The following ACOT7 variants were observed in gnomAD, a reference collection of about 807,000 sequenced individuals.
ACOT7 encodes cytosolic acyl coenzyme A thioester hydrolase.
Under a neutral mutation model 40.2 loss-of-function variants are expected in ACOT7, and 12 were observed. The ratio of observed to expected loss-of-function variants is 0.30; its 90% CI spans 0.19 to 0.48. The LOEUF is 0.48. ACOT7 is among the 20% of genes least tolerant of loss of function. The pLI is 0.99. For synonymous variants in ACOT7, 228 were observed against 219.5 expected, an observed-to-expected ratio of 1.04 and a Z score of -0.34; for missense variants, 395 against 530.8, an observed-to-expected ratio of 0.74 and a Z score of 2.51.
chr1:6,385,444 G>A lies in ACOT7; in HGVS notation c.143+7813C>T, dbSNP rs536336246. The A allele has an allele frequency of 1.7e-5, 26 of 1,566,422 alleles. 1 individual carries two copies. The highest frequency in any genetic ancestry group is 4.5e-5 in the East Asian group (2 of 44,504). ...GGCCCAAGGCCCTGGCTGCCCAGTC[G>A]GCGTCGCAAGTGAGACACCATGGGC... is the stretch of plus-strand genomic sequence containing the variant. On this transcript the variant is annotated intron_variant, in intron 1 of 8. Coordinates refer to ENST00000361521, the MANE Select transcript of ACOT7 (RefSeq NM_007274.4).
At chr1:6,302,533 A>G (rs1350178828) in intron 6 of ACOT7, among the ~76,000 whole-genome samples, 2 of 152,172 alleles carry the variant, frequency 1.3e-5, no homozygotes, top group East Asian at 3.9e-4. Context: ...CACCCACCCC[A>G]GTCTGTGTTT....
At chr1:6,280,560 G>A (rs1041906046) in intron 8 of ACOT7, among the ~76,000 whole-genome samples, 7 of 152,170 alleles carry the variant, frequency 4.6e-5, no homozygotes, top group African/African-American at 1.7e-4. Context: ...GAGGAGAAAG[G>A]CCAAGGGGCT....
At chr1:6,318,630 C>G (rs1640560129) in intron 5 of ACOT7, 52 bp from the exon 6 acceptor site, 1 of 1,580,496 alleles carries the variant, frequency 6.3e-7, no homozygotes, top group African/African-American at 1.3e-5. Flanking sequence ...ATTCCCACAG[C>G]TGAATGGTCT....
chr1:6,337,618 G>T lies in ACOT7; in HGVS notation c.418+1815C>A, dbSNP rs563962781. 2.6e-5 allele frequency among the ~76,000 whole-genome samples: 4 copies of T among 152,208 alleles called. No individual in the cohort carries two copies. In the South Asian group the frequency reaches 8.3e-4, roughly 32 times the overall value. On this transcript the variant is annotated intron_variant, in intron 3 of 8. Coordinates refer to ENST00000361521, the MANE Select transcript of ACOT7 (RefSeq NM_007274.4). ...CATCACTCTCTGCTGTGGGGACAGC[G>T]GGTCCCAGCCATGCTGAAAGCCTGA...
At position 6,305,789 on chromosome 1, in the gene ACOT7, T is replaced by C. The variant is rs1460081086; in HGVS notation, c.713-10809A>G. ...GCTCCTCACTTCCCAGACGGGGTGG[T>C]GGCCGGGCAGAGGCTGCAATCTCGG... On this transcript the variant is annotated intron_variant, in intron 6 of 8. Transcript: ENST00000361521. Among the ~76,000 whole-genome samples, 59 of 145,856 alleles carry C rather than the reference T, an allele frequency of 4.0e-4. 1 individual carries two copies. The highest frequency in any genetic ancestry group is 2.1e-3 in the East Asian group (10 of 4,758).
chr1:6,322,112 G>A (rs1640661950), intron 5 of ACOT7, among the ~76,000 whole-genome samples: 1 of 152,184 alleles, frequency 6.6e-6, no homozygotes, highest in Non-Finnish European at 1.5e-5. Context: ...CAGGATGTCG[G>A]GGCCCCCAGG....
In ACOT7 at chr1:6,268,298, G is replaced by T. The variant is rs540568145; in HGVS notation, c.1015-3603C>A. ...CAGTTGAGAGCTCTCTGTGGTGGGG[G>T]AGTAGTCAGGGCTGTCAACGCATAA... On this transcript the variant is annotated intron_variant, in intron 8 of 8. Coordinates refer to ENST00000361521, the MANE Select transcript of ACOT7 (RefSeq NM_007274.4). Among the ~76,000 whole-genome samples, 4 of 152,284 alleles carry T rather than the reference G, an allele frequency of 2.6e-5. No individual in the cohort carries two copies. The East Asian group carries it at 7.7e-4, about 29-fold the overall frequency.
At chr1:6,372,485 G>A (rs185244482) in intron 1 of ACOT7, among the ~76,000 whole-genome samples, 3 of 151,772 alleles carry the variant, frequency 2.0e-5, no homozygotes, top group Non-Finnish European at 4.4e-5. Flanking sequence ...TTTGGCACAC[G>A]AGGCCTAGCT....
At chr1:6,346,995 C>G (rs986011102) in intron 2 of ACOT7, among the ~76,000 whole-genome samples, 1 of 152,044 alleles carries the variant, frequency 6.6e-6, no homozygotes, top group African/African-American at 2.4e-5. Context: ...CGTTTTTTTG[C>G]ACATCAAGGC....
chr1:6,290,850 G>A (rs1639642056), intron 7 of ACOT7, among the ~76,000 whole-genome samples: 1 of 152,214 alleles, frequency 6.6e-6, no homozygotes, highest in Non-Finnish European at 1.5e-5. Flanking sequence ...TGAAGTCAGG[G>A]TCCGGAGCTA....
At position 6,380,596 on chromosome 1, in the gene ACOT7, A is replaced by AG. The variant is rs1025802783; in HGVS notation, c.143+12660_143+12661insC. Among the ~76,000 whole-genome samples the AG allele has an allele frequency of 3.3e-5, 5 of 151,168 alleles. 1 individual carries two copies. The highest frequency in any genetic ancestry group is 7.4e-5 in the Non-Finnish European group (5 of 67,678). On this transcript the variant is annotated intron_variant, in intron 1 of 8. Transcript: ENST00000361521. ...AGAGCAAGACCGTCTCAAAAAAAAAAAAAAAACAAGAAGACGACCTCTCAA... is the reference window on the plus strand; with the variant it reads ...AGAGCAAGACCGTCTCAAAAAAAAAAGAAAAAACAAGAAGACGACCTCTCAA...
intron 1 of ACOT7, chr1:6,360,663 C>A (rs781390530): frequency 6.2e-7 from 1 of 1,614,210 alleles, no homozygotes; most frequent in Admixed American, 1.7e-5. Context: ...CGTCTCCCCA[C>A]GTCTCCTGTC....
chr1:6,317,045 A>G (rs898832265), intron 6 of ACOT7, among the ~76,000 whole-genome samples: 1 of 152,176 alleles, frequency 6.6e-6, no homozygotes, highest in African/African-American at 2.4e-5. Context: ...TTCTGAGTGG[A>G]GAAGAAAACA....
chr1:6,279,166 A>G lies in ACOT7; in HGVS notation c.1014+1936T>C, dbSNP rs2148376303. 1.3e-5 allele frequency among the ~76,000 whole-genome samples: 2 copies of G among 152,332 alleles called. 1 individual carries two copies. Among genetic ancestry groups the G allele is most frequent in the South Asian group, 4.1e-4 (2 of 4,832 alleles). The stretch of plus-strand genomic sequence containing the variant: ...GAGAAGGCGTGTCCAAGGTGAAAGG[A>G]GAACCAGACACAGGGCTGAAGGTCA... On this transcript the variant is annotated intron_variant, in intron 8 of 8. Transcript: ENST00000361521.
At position 6,282,375 on chromosome 1, in the gene ACOT7, C is replaced by T. The variant is rs112106556; in HGVS notation, c.830-1089G>A. Among the ~76,000 whole-genome samples, 50 of 152,326 alleles carry T rather than the reference C, an allele frequency of 3.3e-4. No homozygotes were observed. Among genetic ancestry groups the T allele is most frequent in the African/African-American group, 1.0e-3 (43 of 41,564 alleles). Reference sequence around the variant, plus strand: ...CTGGCCACCAGGCTGCAGAAACCCCCGGGGACTTCCGGGGCAAGTGCTGCC... The same window carrying T: ...CTGGCCACCAGGCTGCAGAAACCCCTGGGGACTTCCGGGGCAAGTGCTGCC... On this transcript the variant is annotated intron_variant, in intron 7 of 8. Coordinates refer to ENST00000361521, the MANE Select transcript of ACOT7 (RefSeq NM_007274.4). This position sits in a 1 kb window ranked among gnomAD's most constrained non-coding sequence, Gnocchi z 4.5.
At position 6,351,979 on chromosome 1, in the gene ACOT7, G is replaced by A. The variant is rs3789473; in HGVS notation, c.144-2113C>T. On this transcript the variant is annotated intron_variant, in intron 1 of 8. Coordinates refer to ENST00000361521, the MANE Select transcript of ACOT7 (RefSeq NM_007274.4). ...AAGTGAGGACTCGGCACTTGGCGCT[G>A]TGCCATCAGGAGTACATGCCAGGAA... 8.2e-4 allele frequency among the ~76,000 whole-genome samples: 125 copies of A among 152,306 alleles called. No homozygotes were observed. The East Asian group carries it at 0.021, about 25-fold the overall frequency.
intron 1 of ACOT7, chr1:6,385,798 G>A: frequency 7.0e-7 from 1 of 1,429,078 alleles, no homozygotes; most frequent in South Asian, 1.5e-5. Context: ...CCAGGCTCCT[G>A]CTCCTCCTAG....
chr1:6,380,600 A>C (rs951573918), intron 1 of ACOT7, among the ~76,000 whole-genome samples: 6 of 150,770 alleles, frequency 4.0e-5, no homozygotes, highest in African/African-American at 1.2e-4. Context: ...AAAAAAAAAA[A>C]AACAAGAAGA....
At chr1:6,343,206 G>A (rs1187185039) in intron 2 of ACOT7, among the ~76,000 whole-genome samples, 1 of 152,186 alleles carries the variant, frequency 6.6e-6, no homozygotes, top group East Asian at 1.9e-4. Flanking sequence ...GTCACTTCAA[G>A]CCCTGGTGTG....
Sources: allele counts gnomAD v4.1 joint callset (sites outside exome capture counted in the v4.1 genomes callset), GRCh38; gene constraint gnomAD v4.1.1; non-coding constraint Gnocchi (gnomAD v3.1); transcripts MANE v1.5; gene names NCBI Gene and HGNC (gene_info 2026-07-23, HGNC 2026-07-21).